The following ACOT13 variants were observed in gnomAD, a reference collection of about 807,000 sequenced individuals.
ACOT13 encodes acyl-coenzyme A thioesterase 13.
ACOT13 carries 10 observed loss-of-function variants against 11.8 expected under a neutral mutation model. The observed-to-expected ratio is 0.85, with a 90% CI of 0.53 to 1.44. The LOEUF (loss-of-function observed/expected upper bound fraction) is 1.44. ACOT13 is among the 40% of genes most tolerant of loss of function. The probability of loss-of-function intolerance (pLI) is 0.00; values close to 1 mark genes in which losing one functional copy is unlikely to be tolerated. For synonymous variants in ACOT13, 53 were observed against 61.0 expected (o/e 0.87, Z 0.61); for missense variants, 172 against 174.1 (o/e 0.99, Z 0.07).
intron 1 of ACOT13, among the ~76,000 whole-genome samples, chr6:24,673,043 G>A (rs1393881061): frequency 6.6e-6 from 1 of 152,132 alleles, no homozygotes; most frequent in African/African-American, 2.4e-5. Context: ...TCAAAGCCCT[G>A]TAACCTAAGG....
intron 2 of ACOT13, 107 bp from the exon 3 acceptor site, chr6:24,701,352 A>T: frequency 2.0e-6 from 2 of 1,012,026 alleles, no homozygotes; most frequent in South Asian, 1.9e-5. Flanking sequence ...TACCGTTAAA[A>T]CTATTTTTAG....
intron 2 of ACOT13, 39 bp from the exon 3 acceptor site, chr6:24,701,420 A>T (rs1778889624): frequency 6.4e-7 from 1 of 1,568,420 alleles, no homozygotes; most frequent in Non-Finnish European, 8.7e-7. Context: ...TTCCCTTTGA[A>T]AAATTATCTG....
intron 1 of ACOT13, among the ~76,000 whole-genome samples, chr6:24,668,265 C>T (rs1382311371): frequency 1.3e-5 from 2 of 151,934 alleles, no homozygotes; most frequent in Non-Finnish European, 2.9e-5. Flanking sequence ...GTTGCCCATG[C>T]GGGAGTGCAG....
At chr6:24,684,565 C>T (rs538965042) in intron 1 of ACOT13, among the ~76,000 whole-genome samples, 6 of 31,490 alleles carry the variant, frequency 1.9e-4, no homozygotes, top group South Asian at 1.6e-3. Flanking sequence ...AGTTGCAGTA[C>T]GGCTGAAGTG....
chr6:24,676,690 T>G (rs1220869500), intron 1 of ACOT13, among the ~76,000 whole-genome samples: 1 of 152,216 alleles, frequency 6.6e-6, no homozygotes, highest in East Asian at 1.9e-4. Flanking sequence ...ATAGAAGGAC[T>G]GGGGGTCCTT....
intron 2 of ACOT13, chr6:24,700,779 T>A (rs945637809): frequency 6.6e-6 from 1 of 152,222 alleles, no homozygotes; most frequent in Non-Finnish European, 1.5e-5. Context: ...TACTGAAGTC[T>A]TATTTTGAAT....
intron 1 of ACOT13, among the ~76,000 whole-genome samples, chr6:24,667,828 T>G (rs1222100544): frequency 6.6e-6 from 1 of 152,252 alleles, no homozygotes; most frequent in African/African-American, 2.4e-5. Context: ...ACCCAACTCC[T>G]GAAGAAGTAA....
In ACOT13 at chr6:24,701,841, C is replaced by T. The variant is rs919855891; in HGVS notation, c.*226C>T. 5.7e-5 allele frequency: 24 copies of T among 420,732 alleles called. No individual in the cohort carries two copies. The highest frequency in any genetic ancestry group is 1.7e-4 in the Admixed American group (4 of 24,020). The allele number at this position is 420,732 out of a possible 1,614,324, so 26.1% of individuals were successfully genotyped here. Reference sequence around the variant, plus strand: ...TGATAATTGGGTGAAAAATTCTTAGCTCAAAGTGTTTTAAAAACAGGTAAA... The same window carrying T: ...TGATAATTGGGTGAAAAATTCTTAGTTCAAAGTGTTTTAAAAACAGGTAAA... On this transcript the variant is annotated 3_prime_UTR_variant, in exon 3 of 3. Coordinates refer to ENST00000230048, the MANE Select transcript of ACOT13 (RefSeq NM_018473.4).
At chr6:24,675,005 G>T (rs1473392430) in intron 1 of ACOT13, among the ~76,000 whole-genome samples, 1 of 151,164 alleles carries the variant, frequency 6.6e-6, no homozygotes, top group Admixed American at 6.6e-5. Context: ...CCTTGAAATA[G>T]TTTGCTGAGA....
intron 2 of ACOT13, among the ~76,000 whole-genome samples, chr6:24,699,218 T>C (rs1156397121): frequency 6.6e-6 from 1 of 150,832 alleles, no homozygotes; most frequent in Non-Finnish European, 1.5e-5. Flanking sequence ...CTTTTTTTTT[T>C]TTTTTTTTTG....
chr6:24,671,246 A>T (rs1171493923), intron 1 of ACOT13, among the ~76,000 whole-genome samples: 4 of 152,216 alleles, frequency 2.6e-5, no homozygotes, highest in Non-Finnish European at 1.5e-5. Flanking sequence ...GATTAAGAAA[A>T]AATGACACAT....
chr6:24,692,650 C>T (rs909255177), intron 1 of ACOT13, among the ~76,000 whole-genome samples: 1 of 152,180 alleles, frequency 6.6e-6, no homozygotes, highest in African/African-American at 2.4e-5. Flanking sequence ...AACTCCTGGG[C>T]TCAAGCAATC....
At chr6:24,683,510 TGGGTGGAC>T (rs1237374741) in intron 1 of ACOT13, among the ~76,000 whole-genome samples, 1 of 151,876 alleles carries the variant, frequency 6.6e-6, no homozygotes, top group Non-Finnish European at 1.5e-5. Flanking sequence ...CGCTCCAGCC[TGGGTGGAC>T]AGAGTGAGAC....
Position 24,701,873 on chromosome 6 carries a change from A to C in ACOT13, c.*258A>C, listed in dbSNP as rs1778898416. ...TGTTTTAAAAACAGGTAAAGCAAAG[A>C]AACTAGCAGGACCACTCTCAGTTAA... is the stretch of plus-strand genomic sequence containing the variant. On this transcript the variant is annotated 3_prime_UTR_variant, in exon 3 of 3. Coordinates refer to ENST00000230048, the MANE Select transcript of ACOT13 (RefSeq NM_018473.4). The C allele has an allele frequency of 8.6e-6, 3 of 349,556 alleles. No homozygotes were observed. The highest frequency in any genetic ancestry group is 1.6e-5 in the Non-Finnish European group (3 of 191,880). The allele number at this position is 349,556 out of a possible 1,614,324, so 21.7% of individuals were successfully genotyped here.
intron 1 of ACOT13, among the ~76,000 whole-genome samples, chr6:24,678,199 C>G (rs1778488023): frequency 6.6e-6 from 1 of 152,116 alleles, no homozygotes; most frequent in Admixed American, 6.6e-5. Context: ...CAAAGGCAAA[C>G]AAGAATTGAG....
At chr6:24,688,740 T>G (rs1778676435) in intron 1 of ACOT13, among the ~76,000 whole-genome samples, 1 of 152,172 alleles carries the variant, frequency 6.6e-6, no homozygotes, top group Admixed American at 6.5e-5. Context: ...ATTGTTTATT[T>G]TTAAAAACAT....
chr6:24,684,409 C>T (rs1236601667), intron 1 of ACOT13, among the ~76,000 whole-genome samples: 1 of 152,098 alleles, frequency 6.6e-6, no homozygotes, highest in African/African-American at 2.4e-5. Flanking sequence ...ATAATCTTGC[C>T]ATGGGTTGGA....
chr6:24,686,639 TTC>T (rs752007861), intron 1 of ACOT13, among the ~76,000 whole-genome samples: 2 of 151,584 alleles, frequency 1.3e-5, no homozygotes, highest in Non-Finnish European at 1.5e-5. Flanking sequence ...CTTTCACTCT[TTC>T]TCTCTTTCTT....
intron 1 of ACOT13, among the ~76,000 whole-genome samples, chr6:24,673,734 GTA>G (rs1377281499): frequency 1.3e-5 from 2 of 152,138 alleles, no homozygotes; most frequent in African/African-American, 4.8e-5. Context: ...ATAATTTCGT[GTA>G]TATGTGTCTT....
Sources: allele counts gnomAD v4.1 joint callset (sites outside exome capture counted in the v4.1 genomes callset), GRCh38; gene constraint gnomAD v4.1.1; transcripts MANE v1.5; gene names NCBI Gene and HGNC (gene_info 2026-07-23, HGNC 2026-07-21).